Variants in LAPTM4B observed in about 807,000 individuals in gnomAD.
The protein encoded by LAPTM4B is lysosomal protein transmembrane 4 beta, also known as lysosomal-associated transmembrane protein 4B.
In LAPTM4B, 26 loss-of-function variants were observed where a neutral mutation model predicts 28.5. The observed-to-expected ratio is 0.91, with a 90% CI of 0.67 to 1.27. The LOEUF (loss-of-function observed/expected upper bound fraction) is 1.27. Among genes scored for constraint, LAPTM4B ranks in the 50% most tolerant of loss-of-function variants. The pLI is 0.00. For synonymous variants in LAPTM4B, 109 were observed against 106.4 expected, an observed-to-expected ratio of 1.02 and a Z score of -0.15; for missense variants, 288 against 285.8, an observed-to-expected ratio of 1.01 and a Z score of -0.06.
At chr8:97,820,652 G>A (rs1054628403) in intron 5 of LAPTM4B, among the ~76,000 whole-genome samples, 5 of 152,088 alleles carry the variant, frequency 3.3e-5, no homozygotes, top group Non-Finnish European at 1.5e-5. Flanking sequence ...AAGATTGTTT[G>A]AGCTGGGAGT....
chr8:97,802,918 C>T (rs748274226), intron 1 of LAPTM4B, among the ~76,000 whole-genome samples: 1 of 151,950 alleles, frequency 6.6e-6, no homozygotes, highest in African/African-American at 2.4e-5. Flanking sequence ...AAAGTTATTC[C>T]GGCCAGGCAC....
At chr8:97,813,198 A>C (rs2129786297) in intron 2 of LAPTM4B, among the ~76,000 whole-genome samples, 1 of 152,364 alleles carries the variant, frequency 6.6e-6, no homozygotes, top group South Asian at 2.1e-4. Context: ...CCAAAACCTC[A>C]AAAGTAGGGA....
intron 1 of LAPTM4B, among the ~76,000 whole-genome samples, chr8:97,801,865 T>C (rs1457401442): frequency 6.9e-6 from 1 of 145,636 alleles, no homozygotes; most frequent in South Asian, 2.2e-4. Context: ...AAAAAAAGTA[T>C]AGAGGGATTG....
chr8:97,832,400 C>T (rs1357732799), intron 6 of LAPTM4B, among the ~76,000 whole-genome samples: 7 of 152,064 alleles, frequency 4.6e-5, no homozygotes, highest in South Asian at 2.1e-4. Context: ...ACATACATGC[C>T]GGGAAATTGC....
chr8:97,795,504 C>T (rs1197275099), intron 1 of LAPTM4B, among the ~76,000 whole-genome samples: 1 of 152,166 alleles, frequency 6.6e-6, no homozygotes, highest in Non-Finnish European at 1.5e-5. Context: ...TCTTATCACT[C>T]AAGACTTTCT....
intron 1 of LAPTM4B, among the ~76,000 whole-genome samples, chr8:97,786,407 T>TAAA (rs1192124490): frequency 1.9e-5 from 1 of 53,406 alleles, no homozygotes; most frequent in Non-Finnish European, 3.2e-5. Context: ...AACATTGAAC[T>TAAA]TAAAAAAAAA....
chr8:97,846,441 C>T (rs571386461), intron 6 of LAPTM4B, among the ~76,000 whole-genome samples: 7 of 151,938 alleles, frequency 4.6e-5, no homozygotes, highest in South Asian at 4.2e-4. Context: ...AATCCTACTG[C>T]GTCAGCCTCC....
In LAPTM4B at chr8:97,852,849, G is replaced by A; in HGVS notation, c.*1375G>A. Reference sequence around the variant, plus strand: ...TATGAGATGAAAAGTACTTGTCAGGGATTTTCAAGCTTTTGCTCAAGTAAT... The same window carrying A: ...TATGAGATGAAAAGTACTTGTCAGGAATTTTCAAGCTTTTGCTCAAGTAAT... On this transcript the variant is annotated 3_prime_UTR_variant, in exon 7 of 7. Transcript: ENST00000521545. The A allele has an allele frequency of 6.0e-6, 2 of 335,854 alleles. No homozygotes were observed. Among genetic ancestry groups the A allele is most frequent in the South Asian group, 8.2e-5 (2 of 24,354 alleles). 20.8% of individuals were successfully genotyped at this position (335,854 alleles called of 1,614,324 possible).
chr8:97,784,311 A>G (rs1052800753), intron 1 of LAPTM4B, among the ~76,000 whole-genome samples: 3 of 152,170 alleles, frequency 2.0e-5, no homozygotes, highest in Non-Finnish European at 1.5e-5. Context: ...TTTCCCCACT[A>G]TGTTAGATTG....
rs148474550 is a variant in LAPTM4B, at chr8:97,781,828, G to A, written c.99+5720G>A. On this transcript the variant is annotated intron_variant, in intron 1 of 6. Transcript: ENST00000521545. ...TTTTAGATTCATTCATCTTCTTGGA[G>A]TGTTGCTTTTTATTGCTGAGTATTG... Among the ~76,000 whole-genome samples the A allele has an allele frequency of 6.4e-3, 979 of 152,250 alleles. 11 individuals are homozygous for A. The highest frequency in any genetic ancestry group is 0.035 in the Admixed American group (536 of 15,274).
Position 97,776,054 on chromosome 8 carries a change from C to G in LAPTM4B, c.45C>G (p.Cys15Trp), listed in dbSNP as rs773392680. The change falls in exon 1 of 7, where the codon TGC becomes TGG. Residue 15 changes from cysteine (C) to tryptophan (W), a missense_variant. Transcript: ENST00000521545. ...GGACGCGGTTCTACTCCAACAGCTGCTGCTTGTGCTGCCATGTCCGCACCG... is the reference window on the plus strand; with the variant it reads ...GGACGCGGTTCTACTCCAACAGCTGGTGCTTGTGCTGCCATGTCCGCACCG... The part of the protein sequence containing the change: ...APWTRFYSNS[C>W]CLCCHVRTGT... 10 of 1,588,358 alleles carry G rather than the reference C, an allele frequency of 6.3e-6. No homozygotes were observed. The highest frequency in any genetic ancestry group is 3.4e-4 in the Middle Eastern group (2 of 5,822).
chr8:97,817,399 AAGTGCT>A (rs1816936783), intron 4 of LAPTM4B, among the ~76,000 whole-genome samples: 2 of 150,216 alleles, frequency 1.3e-5, no homozygotes, highest in African/African-American at 4.9e-5. Context: ...TGGCCTCCCA[AAGTGCT>A]GGCATTATAG....
At chr8:97,823,729 G>T (rs1463486357) in intron 5 of LAPTM4B, among the ~76,000 whole-genome samples, 3 of 132,470 alleles carry the variant, frequency 2.3e-5, no homozygotes, top group Non-Finnish European at 3.2e-5. Flanking sequence ...ATGGAGTCTC[G>T]CTCTGTCACC....
At chr8:97,849,815 C>T (rs1057457253) in intron 6 of LAPTM4B, among the ~76,000 whole-genome samples, 7 of 150,386 alleles carry the variant, frequency 4.7e-5, no homozygotes, top group African/African-American at 1.7e-4. Context: ...CACCCCCCTG[C>T]CCGCCTGCCC....
At chr8:97,848,423 T>A (rs1378928318) in intron 6 of LAPTM4B, among the ~76,000 whole-genome samples, 1 of 151,232 alleles carries the variant, frequency 6.6e-6, no homozygotes, top group African/African-American at 2.5e-5. Context: ...TTCAAGAATA[T>A]CTTATGTTAA....
intron 1 of LAPTM4B, among the ~76,000 whole-genome samples, chr8:97,786,705 A>G (rs1816408813): frequency 6.6e-6 from 1 of 150,494 alleles, no homozygotes; most frequent in Non-Finnish European, 1.5e-5. Flanking sequence ...GTCTCAGAAA[A>G]AAAAAAAAAA....
chr8:97,846,962 A>G (rs76102690), intron 6 of LAPTM4B, among the ~76,000 whole-genome samples: 3,359 of 152,114 alleles, frequency 0.022, 119 homozygotes, highest in African/African-American at 0.062. Context: ...TCTCCCCCCA[A>G]CTGTTCTATA....
At chr8:97,845,690 C>G (rs1201955593) in intron 6 of LAPTM4B, among the ~76,000 whole-genome samples, 2 of 151,990 alleles carry the variant, frequency 1.3e-5, no homozygotes, top group Admixed American at 6.6e-5. Flanking sequence ...CATGGAAGCT[C>G]TAGACACCCT....
intron 1 of LAPTM4B, among the ~76,000 whole-genome samples, chr8:97,784,417 C>T (rs1024751803): frequency 7.2e-5 from 11 of 152,018 alleles, no homozygotes; most frequent in African/African-American, 2.7e-4. Context: ...ATGATGAAAG[C>T]AGTTTTTTTT....
Sources: gnomAD v4.1 joint callset for allele counts (sites outside exome capture counted in the v4.1 genomes callset) on GRCh38, gnomAD v4.1.1 for gene constraint, MANE v1.5 for transcripts, NCBI Gene and HGNC (gene_info 2026-07-23, HGNC 2026-07-21) for gene names.